Variants in TSHR observed in about 807,000 individuals in gnomAD.
TSHR encodes the protein thyroid stimulating hormone receptor, also known as thyrotropin receptor.
In TSHR, 51 loss-of-function variants were observed where a neutral mutation model predicts 64.1. The observed-to-expected ratio is 0.80, with a 90% confidence interval of 0.64 to 1.01. The LOEUF (loss-of-function observed/expected upper bound fraction) is 1.01. Ranked by LOEUF, TSHR falls within the 50% of genes least tolerant of loss-of-function variation. TSHR has a pLI of 0.00. For missense variants in TSHR, 877 were observed against 942.8 expected (o/e 0.93, Z 0.91); for synonymous variants, 361 against 361.9 (o/e 1.00, Z 0.03).
chr14:81,103,402 C>T lies in TSHR; in HGVS notation c.615-4973C>T. The T allele has an allele frequency of 1.0e-6, 1 of 985,420 alleles. No individual in the cohort carries two copies. The highest frequency in any genetic ancestry group is 4.7e-5 in the South Asian group (1 of 21,288). 61.0% of individuals were successfully genotyped at this position (985,420 alleles called of 1,614,324 possible). A position where few individuals can be genotyped will look rare whatever the true frequency, so the allele number is the denominator to read the frequency against. On this transcript the variant is annotated intron_variant, in intron 7 of 9. Coordinates refer to ENST00000298171, the MANE Select transcript of TSHR (RefSeq NM_000369.5). The surrounding 1 kb of genome is among the most constrained non-coding windows in gnomAD (Gnocchi z 4.1). ...TTAAACAATGTGTCATCCAAAAGAG[C>T]AATCATCCCCTATCATTCCACTTCA...
At chr14:81,128,845 C>A (rs1891121231) in intron 8 of TSHR, among the ~76,000 whole-genome samples, 1 of 152,134 alleles carries the variant, frequency 6.6e-6, no homozygotes, top group Admixed American at 6.6e-5. Context: ...TTGCAAACTG[C>A]CCACCACTCT....
chr14:81,081,483 G>A (rs75235317), intron 3 of TSHR, among the ~76,000 whole-genome samples: 14,691 of 152,178 alleles, frequency 0.097, 887 homozygotes, highest in South Asian at 0.2. Context: ...TCAGCTGTCA[G>A]AAAGTTCATT....
intron 8 of TSHR, among the ~76,000 whole-genome samples, chr14:81,116,368 A>G (rs566143074): frequency 0.066 from 8,081 of 122,514 alleles, 361 homozygotes; most frequent in African/African-American, 0.13. Flanking sequence ...AAAAAAAGGC[A>G]GGGGTTGCAA....
intron 3 of TSHR, chr14:81,079,041 G>A (rs964013201): frequency 6.6e-6 from 1 of 152,186 alleles, no homozygotes; most frequent in Non-Finnish European, 1.5e-5. Flanking sequence ...TTAACAATGG[G>A]TAAAGGCATT....
chr14:80,990,882 T>TGA lies in TSHR; in HGVS notation c.170+35033_170+35034dup, dbSNP rs1888693683. On this transcript the variant is annotated intron_variant, in intron 1 of 9. Transcript: ENST00000298171. ...GTTGGCCAGGCTGGTCTCGAACTCCTGACCTCAGGTGATCCACCCACCTCG... is the reference window on the plus strand; with the variant it reads ...GTTGGCCAGGCTGGTCTCGAACTCCTGAGACCTCAGGTGATCCACCCACCTCG... 2.0e-5 allele frequency among the ~76,000 whole-genome samples: 3 copies of TGA among 152,286 alleles called. No individual in the cohort carries two copies. The South Asian group carries it at 6.2e-4, about 32-fold the overall frequency.
intron 7 of TSHR, among the ~76,000 whole-genome samples, chr14:81,106,449 A>G (rs1889898424): frequency 6.6e-6 from 1 of 152,344 alleles, no homozygotes; most frequent in East Asian, 1.9e-4. Context: ...TATTCATCCA[A>G]CAAATAGTTA....
chr14:81,049,500 G>C (rs1004846183), intron 1 of TSHR: 1 of 152,174 alleles, frequency 6.6e-6, no homozygotes, highest in Non-Finnish European at 1.5e-5. Flanking sequence ...AAATAACAAT[G>C]TTTGAAAACC....
At chr14:81,101,574 A>G (rs1213133043) in intron 7 of TSHR, among the ~76,000 whole-genome samples, 2 of 152,208 alleles carry the variant, frequency 1.3e-5, no homozygotes, top group Non-Finnish European at 2.9e-5. Context: ...AATAAAAACA[A>G]GAGAATTATT....
At chr14:81,020,405 C>G (rs1179223934) in intron 1 of TSHR, among the ~76,000 whole-genome samples, 1 of 152,208 alleles carries the variant, frequency 6.6e-6, no homozygotes, top group Non-Finnish European at 1.5e-5. Flanking sequence ...CTCCCCATCC[C>G]TCACATTACC....
chr14:81,001,614 C>T (rs1044642536), intron 1 of TSHR: 14 of 524,630 alleles, frequency 2.7e-5, no homozygotes, highest in Middle Eastern at 6.2e-4. Context: ...CCCATTGTAA[C>T]GTCAGAATGG....
chr14:81,102,028 T>C lies in TSHR; in HGVS notation c.614+5321T>C, dbSNP rs572414814. On this transcript the variant is annotated intron_variant, in intron 7 of 9. Coordinates refer to ENST00000298171, the MANE Select transcript of TSHR (RefSeq NM_000369.5). ...CTACTAAAAATACAAAAAAATTAGC[T>C]GGGCGTGGTGGCGGGCGCCTGTAGT... Among the ~76,000 whole-genome samples the C allele has an allele frequency of 2.7e-3, 414 of 151,710 alleles. 1 individual carries two copies. Among genetic ancestry groups the C allele is most frequent in the Admixed American group, 5.4e-3 (82 of 15,244 alleles).
In TSHR at chr14:81,103,127, G is replaced by A; in HGVS notation, c.615-5248G>A. On this transcript the variant is annotated intron_variant, in intron 7 of 9. Transcript: ENST00000298171. This position sits in a 1 kb window ranked among gnomAD's most constrained non-coding sequence, Gnocchi z 4.1. Reference sequence around the variant, plus strand: ...TGTGATAAGGAGCCCTGGGACTGGAGGAAGACAAGGATTGAGCTATAGGTG... The same window carrying A: ...TGTGATAAGGAGCCCTGGGACTGGAAGAAGACAAGGATTGAGCTATAGGTG... 1 of 985,376 alleles carries A rather than the reference G, an allele frequency of 1.0e-6. No individual in the cohort carries two copies. Among genetic ancestry groups the A allele is most frequent in the Non-Finnish European group, 1.2e-6 (1 of 829,924 alleles). 61.0% of individuals were successfully genotyped at this position (985,376 alleles called of 1,614,324 possible). A position where few individuals can be genotyped will look rare whatever the true frequency, so the allele number is the denominator to read the frequency against.
At chr14:81,088,174 G>C in intron 4 of TSHR, 146 bp downstream of exon 4, 1 of 682,272 alleles carries the variant, frequency 1.5e-6, no homozygotes, top group South Asian at 1.7e-5. Flanking sequence ...GGTATCGGGT[G>C]AAATGATCCA....
intron 3 of TSHR, among the ~76,000 whole-genome samples, chr14:81,070,443 A>G (rs1018768274): frequency 1.2e-4 from 18 of 151,970 alleles, no homozygotes; most frequent in African/African-American, 4.3e-4. Context: ...CCAGGCCAAC[A>G]TGGTGAAACC....
At chr14:80,990,889 A>G (rs1468916271) in intron 1 of TSHR, among the ~76,000 whole-genome samples, 1 of 152,180 alleles carries the variant, frequency 6.6e-6, no homozygotes, top group Non-Finnish European at 1.5e-5. Flanking sequence ...TCCTGACCTC[A>G]GGTGATCCAC....
chr14:81,093,009 C>G (rs1888879538), intron 6 of TSHR, among the ~76,000 whole-genome samples: 1 of 152,160 alleles, frequency 6.6e-6, no homozygotes, highest in Admixed American at 6.5e-5. Context: ...CTAGATTTGG[C>G]CTGCAGGCCT....
At chr14:80,986,411 T>A (rs1345938666) in intron 1 of TSHR, among the ~76,000 whole-genome samples, 2 of 152,220 alleles carry the variant, frequency 1.3e-5, no homozygotes, top group African/African-American at 2.4e-5. Context: ...TTTTCTCAAA[T>A]CTCAAAATTA....
At chr14:80,983,491 C>A in intron 1 of TSHR, 2 of 1,354,718 alleles carry the variant, frequency 1.5e-6, no homozygotes, top group Non-Finnish European at 2.1e-6. Context: ...CATAAAGAGG[C>A]AAAAGCCAGT....
At chr14:81,023,759 G>A (rs1162608660) in intron 1 of TSHR, among the ~76,000 whole-genome samples, 2 of 152,108 alleles carry the variant, frequency 1.3e-5, no homozygotes, top group Non-Finnish European at 2.9e-5. Flanking sequence ...AGGCTCAGGG[G>A]TTAGCTGCTT....
Sources: allele counts gnomAD v4.1 joint callset (sites outside exome capture counted in the v4.1 genomes callset), GRCh38; gene constraint gnomAD v4.1.1; non-coding constraint Gnocchi (gnomAD v3.1); transcripts MANE v1.5; gene names NCBI Gene and HGNC (gene_info 2026-07-23, HGNC 2026-07-21).